Variants in PDCD6 observed in about 807,000 individuals in gnomAD.
PDCD6 encodes the protein programmed cell death protein 6.
A neutral mutation model predicts 28.3 loss-of-function variants in PDCD6; 12 were observed. The observed-to-expected ratio is 0.42, with a 90% confidence interval of 0.27 to 0.69. The LOEUF (loss-of-function observed/expected upper bound fraction) is 0.69, where lower values mean the gene tolerates loss of function less well. PDCD6 is among the 30% of genes least tolerant of loss of function. The pLI, the probability that PDCD6 is intolerant of heterozygous loss-of-function variation, is 0.22. For synonymous variants in PDCD6, 92 were observed against 108.0 expected (o/e 0.85, Z 0.92); for missense variants, 226 against 269.9 (o/e 0.84, Z 1.14).
intron 5 of PDCD6, among the ~76,000 whole-genome samples, 154 bp from the exon 6 acceptor site, chr5:314,263 G>A (rs910098253): frequency 6.6e-6 from 1 of 152,218 alleles, no homozygotes; most frequent in South Asian, 2.1e-4. Flanking sequence ...CGTGTGAACA[G>A]CTCCAGCCCC....
intron 2 of PDCD6, among the ~76,000 whole-genome samples, chr5:294,648 A>C (rs1242444185): frequency 6.6e-6 from 1 of 152,258 alleles, no homozygotes; most frequent in African/African-American, 2.4e-5. Context: ...GTTTCTTACG[A>C]AGTTAAGCAC....
rs201302366 is a variant in PDCD6, at chr5:306,613, C to T, written c.220C>T (p.Arg74Cys). The T allele has an allele frequency of 6.6e-5, 106 of 1,613,474 alleles. 2 individuals are homozygous for T. The highest frequency in any genetic ancestry group is 4.6e-4 in the South Asian group (42 of 91,068). The change falls in exon 4 of 6, where the codon CGT becomes TGT. Residue 74 changes from arginine (R) to cysteine (C), a missense_variant. Transcript: ENST00000264933. ...TVRSIISMFD[R>C]ENKAGVNFSE... Reference sequence around the variant, plus strand: ...CCTCTCTGTCTCAGCCATGTTTGACCGTGAGAACAAGGCCGGCGTGAACTT... The same window carrying T: ...CCTCTCTGTCTCAGCCATGTTTGACTGTGAGAACAAGGCCGGCGTGAACTT...
chr5:276,396 T>C (rs1738204636), intron 2 of PDCD6: 1 of 1,001,790 alleles, frequency 1.0e-6, no homozygotes, highest in African/African-American at 1.7e-5. Flanking sequence ...AGTTGTGTTG[T>C]ATGTACAGGC....
At chr5:308,041 G>A (rs1201365827) in intron 4 of PDCD6, among the ~76,000 whole-genome samples, 1 of 152,182 alleles carries the variant, frequency 6.6e-6, no homozygotes, top group Non-Finnish European at 1.5e-5. Flanking sequence ...CTTCCCTGGG[G>A]CAGGTACGGA....
chr5:303,297 TAA>T (rs34022166), intron 2 of PDCD6, among the ~76,000 whole-genome samples: 3 of 129,218 alleles, frequency 2.3e-5, no homozygotes, highest in South Asian at 2.5e-4. Context: ...TTTTTGTGCA[TAA>T]AAAAAAAAAA....
At chr5:278,664 G>A (rs1360158119) in intron 2 of PDCD6, among the ~76,000 whole-genome samples, 4 of 151,452 alleles carry the variant, frequency 2.6e-5, no homozygotes, top group African/African-American at 9.7e-5. Flanking sequence ...AGTAAACCGA[G>A]ATCGTGCCAT....
intron 2 of PDCD6, among the ~76,000 whole-genome samples, chr5:299,429 C>G (rs1032099773): frequency 6.6e-6 from 1 of 150,770 alleles, no homozygotes; most frequent in Non-Finnish European, 1.5e-5. Context: ...TCCTCCTAGC[C>G]CAATTTCTGT....
At chr5:276,102 G>A (rs1417841811) in intron 2 of PDCD6, 15 of 1,026,800 alleles carry the variant, frequency 1.5e-5, no homozygotes, top group East Asian at 6.1e-5. Context: ...AGTGGTGCAC[G>A]CCTGTATTCC....
intron 5 of PDCD6, chr5:311,782 G>A (rs374421332): frequency 9.3e-6 from 2 of 214,922 alleles, no homozygotes; most frequent in African/African-American, 2.4e-5. Context: ...CCACCTCTGC[G>A]TCCCGGGTTT....
intron 2 of PDCD6, among the ~76,000 whole-genome samples, chr5:286,560 G>A (rs1447949503): frequency 6.6e-5 from 10 of 151,218 alleles, no homozygotes; most frequent in Non-Finnish European, 1.0e-4. Flanking sequence ...CTGGAGACCC[G>A]TGGGGGAGCT....
intron 5 of PDCD6, chr5:313,946 G>A (rs1020232914): frequency 1.2e-5 from 2 of 164,532 alleles, no homozygotes; most frequent in African/African-American, 2.4e-5. Context: ...CTGGACCCTC[G>A]GCTGTGAGAG....
chr5:292,304 G>A (rs1739361697), intron 2 of PDCD6, among the ~76,000 whole-genome samples: 1 of 152,062 alleles, frequency 6.6e-6, no homozygotes, highest in East Asian at 1.9e-4. Flanking sequence ...TGTTGCCCAG[G>A]CTGGAATGCA....
At chr5:299,560 TTTTC>T (rs1220303071) in intron 2 of PDCD6, among the ~76,000 whole-genome samples, 1 of 151,934 alleles carries the variant, frequency 6.6e-6, no homozygotes, top group African/African-American at 2.4e-5. Context: ...GGTTTTTTTT[TTTTC>T]TTTAAGACAG....
At chr5:284,077 A>G (rs1738770091) in intron 2 of PDCD6, among the ~76,000 whole-genome samples, 1 of 151,750 alleles carries the variant, frequency 6.6e-6, no homozygotes, top group African/African-American at 2.4e-5. Context: ...TTCAGGGAGG[A>G]GCTGATGTTC....
intron 2 of PDCD6, among the ~76,000 whole-genome samples, chr5:301,319 G>A (rs182596447): frequency 4.1e-4 from 62 of 152,304 alleles, no homozygotes; most frequent in East Asian, 3.3e-3. Flanking sequence ...CTAGGTTGCC[G>A]CACACAGCGG....
intron 2 of PDCD6, among the ~76,000 whole-genome samples, chr5:295,700 G>A (rs575393115): frequency 6.8e-6 from 1 of 146,350 alleles, no homozygotes; most frequent in Non-Finnish European, 1.5e-5. Flanking sequence ...GGTCATGACC[G>A]CACTCAGGGC....
intron 2 of PDCD6, among the ~76,000 whole-genome samples, chr5:281,470 A>G (rs571494431): frequency 6.6e-6 from 1 of 152,290 alleles, no homozygotes; most frequent in Admixed American, 6.5e-5. Flanking sequence ...AAGACAGTGA[A>G]GGAGCTGGTT....
chr5:291,417 G>A (rs1389566026), intron 2 of PDCD6, among the ~76,000 whole-genome samples: 2 of 150,266 alleles, frequency 1.3e-5, no homozygotes, highest in South Asian at 2.1e-4. Context: ...TCATTGCTGC[G>A]TGATCTCCCG....
intron 3 of PDCD6, chr5:304,544 G>T (rs981713241): frequency 6.4e-6 from 1 of 155,722 alleles, no homozygotes; most frequent in African/African-American, 2.5e-5. Flanking sequence ...GTTTTTGATA[G>T]ACATTGCTTA....
Sources: allele counts gnomAD v4.1 joint callset (sites outside exome capture counted in the v4.1 genomes callset), GRCh38; gene constraint gnomAD v4.1.1; transcripts MANE v1.5; gene names NCBI Gene and HGNC (gene_info 2026-07-23, HGNC 2026-07-21).